SAG: variants seen among roughly 807,000 people sequenced by gnomAD.
The protein encoded by SAG is S-antigen visual arrestin, also known as S-arrestin.
SAG carries 45 observed loss-of-function variants against 55.0 expected under a neutral mutation model. The observed-to-expected ratio is 0.82, with a 90% confidence interval of 0.64 to 1.05. The LOEUF (loss-of-function observed/expected upper bound fraction) is 1.05, where lower values mean the gene tolerates loss of function less well. Ranked by LOEUF, SAG falls within the 50% of genes least tolerant of loss-of-function variation. The probability of loss-of-function intolerance (pLI) is 0.00; values close to 1 mark genes in which losing one functional copy is unlikely to be tolerated. For synonymous variants in SAG, 189 were observed against 197.4 expected, an observed-to-expected ratio of 0.96 and a Z score of 0.36; for missense variants, 455 against 512.1, an observed-to-expected ratio of 0.89 and a Z score of 1.08.
intron 9 of SAG, among the ~76,000 whole-genome samples, chr2:233,330,500 C>A (rs963821600): frequency 6.9e-6 from 1 of 144,384 alleles, no homozygotes; most frequent in Non-Finnish European, 1.5e-5. Flanking sequence ...TTCCTTCCTT[C>A]CTTCCTTCCT....
rs769237565 is a variant in SAG, at chr2:233,309,185, A to G, written c.-5A>G. The stretch of plus-strand genomic sequence containing the variant: ...AGGTGGTAGAAGTTGCCAGGGACAG[A>G]TAACATGGCAGCCAGCGGGAAGACC... On this transcript the variant is annotated 5_prime_UTR_variant, in exon 2 of 16. Transcript: ENST00000409110. 3.3e-5 allele frequency: 53 copies of G among 1,613,150 alleles called. No individual in the cohort carries two copies. The highest frequency in any genetic ancestry group is 4.5e-5 in the Non-Finnish European group (53 of 1,179,386).
chr2:233,343,606 CTCAA>C lies in SAG; in HGVS notation c.1102+1284_1102+1287del, dbSNP rs1270704066. On this transcript the variant is annotated intron_variant, in intron 14 of 15. Transcript: ENST00000409110. The stretch of plus-strand genomic sequence containing the variant: ...AAATTGTATGATATATGAATTTGAT[CTCAA>C]TCATTCTCTTTCTAAAAAGGTAAAT... 4.7e-6 allele frequency: 5 copies of C among 1,065,530 alleles called. No individual in the cohort carries two copies. In the Admixed American group the frequency reaches 1.5e-4, roughly 32 times the overall value. The allele number at this position is 1,065,530 out of a possible 1,614,324, so 66.0% of individuals were successfully genotyped here.
At position 233,307,949 on chromosome 2, in the gene SAG, TTCA is replaced by T. The variant is rs1699988648; in HGVS notation, c.-96_-94del. ...GCTTGCTCAGAACAGGGGCTGGCTATTCATCATCTCAGAGCATAGAGACCCTCT... is the reference window on the plus strand; with the variant it reads ...GCTTGCTCAGAACAGGGGCTGGCTATTCATCTCAGAGCATAGAGACCCTCT... On this transcript the variant is annotated 5_prime_UTR_variant, in exon 1 of 16. Transcript: ENST00000409110. 1.3e-5 allele frequency: 2 copies of T among 152,552 alleles called. No individual in the cohort carries two copies. Among genetic ancestry groups the T allele is most frequent in the Non-Finnish European group, 2.9e-5 (2 of 68,122 alleles). 9.4% of individuals were successfully genotyped at this position (152,552 alleles called of 1,614,324 possible).
In SAG at chr2:233,324,082, G is replaced by T. The variant is rs188241703; in HGVS notation, c.435+1077G>T. Among the ~76,000 whole-genome samples the T allele has an allele frequency of 2.2e-4, 34 of 152,266 alleles. No individual in the cohort carries two copies. The East Asian group carries it at 6.0e-3, about 27-fold the overall frequency. On this transcript the variant is annotated intron_variant, in intron 6 of 15. Coordinates refer to ENST00000409110, the MANE Select transcript of SAG (RefSeq NM_000541.5). ...TCCGGGGGCAGTGAGGAGGTTGCCT[G>T]CTGAGTGAGAGGAGCAAGGGATGAA...
At chr2:233,309,421 C>A (rs1021626657) in intron 2 of SAG, 157 bp downstream of exon 2, 22 of 624,218 alleles carry the variant, frequency 3.5e-5, no homozygotes, top group Non-Finnish European at 6.2e-5. Flanking sequence ...GAGGCGGAGG[C>A]GGGATAACTT....
intron 2 of SAG, 94 bp downstream of exon 2, chr2:233,309,358 A>T: frequency 8.5e-7 from 1 of 1,174,662 alleles, no homozygotes; most frequent in Non-Finnish European, 1.2e-6. Flanking sequence ...CAACATCAAA[A>T]CTCTTTGAGG....
intron 2 of SAG, among the ~76,000 whole-genome samples, chr2:233,314,921 A>G (rs551442525): frequency 1.1e-4 from 16 of 152,348 alleles, no homozygotes; most frequent in Admixed American, 7.2e-4. Context: ...GCCACACTCA[A>G]TGAAAGAGTG....
In SAG at chr2:233,340,117, C is replaced by T. The variant is rs1468141216; in HGVS notation, c.1023-338C>T. Among the ~76,000 whole-genome samples, 3 of 150,928 alleles carry T rather than the reference C, an allele frequency of 2.0e-5. No individual in the cohort carries two copies. Among genetic ancestry groups the T allele is most frequent in the Non-Finnish European group, 4.4e-5 (3 of 67,782 alleles). On this transcript the variant is annotated intron_variant, in intron 12 of 15. Coordinates refer to ENST00000409110, the MANE Select transcript of SAG (RefSeq NM_000541.5). This position sits in a 1 kb window ranked among gnomAD's most constrained non-coding sequence, Gnocchi z 4.2. ...GATTACAGGCGCCTGCCACCATGCC[C>T]GGCTAATTTTTGTATTTTTAGTAGA...
chr2:233,315,336 A>G (rs1700189008), intron 2 of SAG, among the ~76,000 whole-genome samples: 1 of 119,758 alleles, frequency 8.4e-6, no homozygotes, highest in Non-Finnish European at 1.6e-5. Flanking sequence ...TCTGTCACCC[A>G]GGCTGGAGTG....
chr2:233,336,788 A>G (rs977677265), intron 11 of SAG, among the ~76,000 whole-genome samples: 8 of 152,170 alleles, frequency 5.3e-5, no homozygotes, highest in African/African-American at 1.4e-4. Flanking sequence ...GCTTGGCCCC[A>G]TTCAGCGCAA....
chr2:233,338,639 C>T (rs745330053), intron 11 of SAG, 37 bp from the exon 12 acceptor site: 15 of 1,578,114 alleles, frequency 9.5e-6, no homozygotes, highest in Non-Finnish European at 1.3e-5. Flanking sequence ...CCCTCCTCTG[C>T]TCTCCATCAT....
chr2:233,330,599 C>T (rs866402767), intron 9 of SAG, among the ~76,000 whole-genome samples: 9 of 150,040 alleles, frequency 6.0e-5, no homozygotes, highest in Non-Finnish European at 8.9e-5. Flanking sequence ...GGTGTGATCT[C>T]GGCTCACTGC....
At position 233,328,484 on chromosome 2, in the gene SAG, C is replaced by A; in HGVS notation, c.519C>A (p.Ser173=). ...AEEDKIPKKS[S]VRLLIRKVQH... is the part of the protein sequence containing the mutation. ...CTGTGGCTGTTTCCCACAGGAGCTC[C>A]GTGCGATTACTGATCCGCAAAGTAC... is the stretch of plus-strand genomic sequence containing the variant. Residue 173 remains serine, a synonymous_variant, in exon 8 of 16, where the codon TCC becomes TCA. Transcript: ENST00000409110. 2 of 1,612,648 alleles carry A rather than the reference C, an allele frequency of 1.2e-6. No individual in the cohort carries two copies. The highest frequency in any genetic ancestry group is 8.5e-7 in the Non-Finnish European group (1 of 1,178,854).
At position 233,341,353 on chromosome 2, in the gene SAG, A is replaced by G. The variant is rs1284918908; in HGVS notation, c.1046+875A>G. Among the ~76,000 whole-genome samples the G allele has an allele frequency of 2.0e-5, 3 of 152,208 alleles. No individual in the cohort carries two copies. The East Asian group carries it at 5.8e-4, about 29-fold the overall frequency. On this transcript the variant is annotated intron_variant, in intron 13 of 15. Transcript: ENST00000409110. ...TACATAACCTCAATGCCTGTCTCAA[A>G]TGTTTCTTAACTTGCTGCTGCTTCG...
chr2:233,329,205 T>TCC, intron 8 of SAG: 2 of 401,196 alleles, frequency 5.0e-6, no homozygotes, highest in Non-Finnish European at 9.2e-6. Context: ...CACTTGGCTT[T>TCC]CCCAGTGGTT....
In SAG at chr2:233,310,506, C is replaced by CTTTT. The variant is rs967605903; in HGVS notation, c.75+1260_75+1263dup. Among the ~76,000 whole-genome samples the CTTTT allele has an allele frequency of 2.2e-4, 25 of 115,394 alleles. 1 individual carries two copies. Among genetic ancestry groups the CTTTT allele is most frequent in the East Asian group, 7.2e-4 (3 of 4,142 alleles). The allele number at this position is 115,394 out of a possible 152,430, so 75.7% of individuals were successfully genotyped here. A position where few individuals can be genotyped will look rare whatever the true frequency, so the allele number is the denominator to read the frequency against. Reference sequence around the variant, plus strand: ...ACAGGGTAGCTCGCCATCATTCTGGCTTTTTTTTTTTTTTTTTTTTTGAGA... The same window carrying CTTTT: ...ACAGGGTAGCTCGCCATCATTCTGGCTTTTTTTTTTTTTTTTTTTTTTTTTGAGA... On this transcript the variant is annotated intron_variant, in intron 2 of 15. Transcript: ENST00000409110.
intron 8 of SAG, chr2:233,328,944 C>G (rs1443178386): frequency 3.4e-6 from 1 of 292,316 alleles, no homozygotes; most frequent in Non-Finnish European, 6.3e-6. Context: ...ACTCATGGAG[C>G]ATCAATAGCT....
At chr2:233,341,839 C>T (rs553753755) in intron 13 of SAG, among the ~76,000 whole-genome samples, 12 of 152,272 alleles carry the variant, frequency 7.9e-5, no homozygotes, top group Admixed American at 7.9e-4. Flanking sequence ...AATGATGAAG[C>T]TGGGCAGGGT....
At chr2:233,317,461 A>G (rs1333681655) in intron 3 of SAG, among the ~76,000 whole-genome samples, 1 of 152,250 alleles carries the variant, frequency 6.6e-6, no homozygotes, top group Admixed American at 6.5e-5. Context: ...CTGTGAATCT[A>G]TAATCATTTC....
Sources: gnomAD v4.1 joint callset for allele counts (sites outside exome capture counted in the v4.1 genomes callset) on GRCh38, gnomAD v4.1.1 for gene constraint, Gnocchi (gnomAD v3.1) non-coding constraint, MANE v1.5 for transcripts, NCBI Gene and HGNC (gene_info 2026-07-23, HGNC 2026-07-21) for gene names.